Variants in GLIS3 observed in about 807,000 individuals in gnomAD.
GLIS3 encodes zinc finger protein GLIS3.
In GLIS3, 53 loss-of-function variants were observed where a neutral mutation model predicts 78.6. The ratio of observed to expected loss-of-function variants is 0.67; its 90% CI spans 0.54 to 0.85. The LOEUF (loss-of-function observed/expected upper bound fraction) is 0.85, where lower values mean the gene tolerates loss of function less well. GLIS3 is among the 40% of genes least tolerant of loss of function. The pLI is 0.00. For synonymous variants in GLIS3, 684 were observed against 509.9 expected, an observed-to-expected ratio of 1.34 and a Z score of -4.60; for missense variants, 1,703 against 1,231.1, an observed-to-expected ratio of 1.38 and a Z score of -5.74.
chr9:4,380,279 T>C, the GLIS3 span, among the ~76,000 whole-genome samples: 1 of 152,216 alleles, frequency 6.6e-6, no homozygotes, highest in Non-Finnish European at 1.5e-5. Context: ...CTCTCTGCTG[T>C]TATTTGAAAT....
chr9:4,248,196 G>A (rs1348019873), intron 2 of GLIS3, among the ~76,000 whole-genome samples: 1 of 151,994 alleles, frequency 6.6e-6, no homozygotes, highest in Non-Finnish European at 1.5e-5. Context: ...CCGTCAACCT[G>A]TCATCTACAT....
At chr9:4,018,266 T>C (rs2130114459) in intron 4 of GLIS3, among the ~76,000 whole-genome samples, 1 of 152,330 alleles carries the variant, frequency 6.6e-6, no homozygotes, top group East Asian at 1.9e-4. Context: ...GGGTGAGGTT[T>C]AGAAATAACT....
the GLIS3 span, among the ~76,000 whole-genome samples, chr9:4,455,990 C>G: frequency 1.3e-5 from 2 of 152,032 alleles, no homozygotes; most frequent in South Asian, 4.1e-4. Flanking sequence ...GTTGCACACT[C>G]CTAGCTACTC....
chr9:4,132,066 C>A (rs903600346), intron 2 of GLIS3, among the ~76,000 whole-genome samples: 246 of 138,736 alleles, frequency 1.8e-3, no homozygotes, highest in East Asian at 0.016. Context: ...AAAAAAAAAA[C>A]AAAAAACCAC....
At chr9:4,463,689 G>A in the GLIS3 span, among the ~76,000 whole-genome samples, 1 of 152,166 alleles carries the variant, frequency 6.6e-6, no homozygotes, top group Non-Finnish European at 1.5e-5. Flanking sequence ...GGGGAAAACA[G>A]ATAAAAATGT....
rs1008834354 is a variant in GLIS3, at chr9:3,827,848, G to C, written c.*424C>G. 1 of 269,308 alleles carries C rather than the reference G, an allele frequency of 3.7e-6. No homozygotes were observed. Among genetic ancestry groups the C allele is most frequent in the South Asian group, 4.4e-5 (1 of 22,796 alleles). The allele number at this position is 269,308 out of a possible 1,614,324, so 16.7% of individuals were successfully genotyped here. On this transcript the variant is annotated 3_prime_UTR_variant, in exon 11 of 11. Transcript: ENST00000381971. ...GCTTTGCATCAGGAGCAGCAAGGGT[G>C]AGGATTAGGTGAGGCAGGTCACTAT...
intron 6 of GLIS3, among the ~76,000 whole-genome samples, chr9:3,907,173 G>A (rs1823768101): frequency 1.3e-5 from 2 of 152,186 alleles, no homozygotes; most frequent in Non-Finnish European, 2.9e-5. Context: ...CTGGGGCTTT[G>A]TTTCTTGTTA....
chr9:4,072,844 C>G (rs922456750), intron 4 of GLIS3, among the ~76,000 whole-genome samples: 2 of 152,080 alleles, frequency 1.3e-5, no homozygotes, highest in Non-Finnish European at 2.9e-5. Context: ...TTGTAATACA[C>G]ATGAACAGCC....
intron 2 of GLIS3, among the ~76,000 whole-genome samples, chr9:4,140,768 A>T (rs998944988): frequency 5.3e-5 from 8 of 151,544 alleles, no homozygotes; most frequent in African/African-American, 1.9e-4. Flanking sequence ...AGGTTATTAT[A>T]AAAGGGCCAA....
chr9:4,036,660 G>A (rs1452782362), intron 4 of GLIS3, among the ~76,000 whole-genome samples: 1 of 152,114 alleles, frequency 6.6e-6, no homozygotes, highest in Non-Finnish European at 1.5e-5. Flanking sequence ...TACTAAATAG[G>A]TGCCCAGCAA....
chr9:4,209,135 G>T (rs1820146255), intron 2 of GLIS3, among the ~76,000 whole-genome samples: 1 of 152,032 alleles, frequency 6.6e-6, no homozygotes, highest in Non-Finnish European at 1.5e-5. Flanking sequence ...CATCAAAATG[G>T]ACGCTCATGC....
intron 4 of GLIS3, among the ~76,000 whole-genome samples, chr9:3,943,863 T>G (rs912312023): frequency 2.0e-5 from 3 of 152,214 alleles, no homozygotes; most frequent in African/African-American, 4.8e-5. Context: ...TTTGTAGAAT[T>G]AATATCAGAC....
Position 4,230,463 on chromosome 9 carries a change from A to G in GLIS3, c.388+55575T>C, listed in dbSNP as rs980952503. On this transcript the variant is annotated intron_variant, in intron 2 of 10. Transcript: ENST00000381971. ...CTTCTCTGAAAATACCCAGATAGCC[A>G]CACATTTGTAAAAGAAAGCGATAGA... 3.9e-5 allele frequency among the ~76,000 whole-genome samples: 6 copies of G among 152,198 alleles called. No individual in the cohort carries two copies. In the East Asian group the frequency reaches 7.7e-4, roughly 20 times the overall value.
At chr9:4,151,350 A>T (rs902106895) in intron 2 of GLIS3, among the ~76,000 whole-genome samples, 7 of 152,196 alleles carry the variant, frequency 4.6e-5, no homozygotes, top group African/African-American at 1.7e-4. Flanking sequence ...CTCAAACTAT[A>T]TGTTTTAGCA....
chr9:4,128,752 G>A (rs1564091874), intron 2 of GLIS3, among the ~76,000 whole-genome samples: 1 of 152,190 alleles, frequency 6.6e-6, no homozygotes, highest in Non-Finnish European at 1.5e-5. Flanking sequence ...GGCTGCCTCT[G>A]TAACTCTCTA....
In GLIS3 at chr9:3,977,997, T is replaced by C. The variant is rs548483639; in HGVS notation, c.1711-40808A>G. Among the ~76,000 whole-genome samples, 3 of 152,314 alleles carry C rather than the reference T, an allele frequency of 2.0e-5. No individual in the cohort carries two copies. In the East Asian group the frequency reaches 5.8e-4, roughly 29 times the overall value. On this transcript the variant is annotated intron_variant, in intron 4 of 10. Coordinates refer to ENST00000381971, the MANE Select transcript of GLIS3 (RefSeq NM_001042413.2). The surrounding 1 kb of genome is among the most constrained non-coding windows in gnomAD (Gnocchi z 4.1). ...GGTGCACCCTCCGCTGCTCCAAACC[T>C]GAGAGACAAATGGGAGGTCTTGGTT...
At chr9:3,863,112 G>T (rs369234951) in intron 8 of GLIS3, among the ~76,000 whole-genome samples, 11 of 152,230 alleles carry the variant, frequency 7.2e-5, no homozygotes, top group Admixed American at 2.6e-4. Context: ...AAAAAACCCC[G>T]CAATGATAAT....
chr9:4,428,843 C>G, the GLIS3 span, among the ~76,000 whole-genome samples: 1 of 152,166 alleles, frequency 6.6e-6, no homozygotes, highest in Non-Finnish European at 1.5e-5. Flanking sequence ...CAAGCCTGTT[C>G]ATCTGCCAAT....
At chr9:4,032,459 T>G (rs1823923040) in intron 4 of GLIS3, among the ~76,000 whole-genome samples, 1 of 151,984 alleles carries the variant, frequency 6.6e-6, no homozygotes, top group African/African-American at 2.4e-5. Context: ...AATTTTATAT[T>G]TTTATATATT....
Sources: allele counts gnomAD v4.1 joint callset (sites outside exome capture counted in the v4.1 genomes callset), GRCh38; gene constraint gnomAD v4.1.1; non-coding constraint Gnocchi (gnomAD v3.1); transcripts MANE v1.5; gene names NCBI Gene and HGNC (gene_info 2026-07-23, HGNC 2026-07-21).